HGF: variants seen among roughly 807,000 people sequenced by gnomAD.
HGF encodes the protein fibroblast-derived tumor cytotoxic factor.
In HGF, 39 loss-of-function variants were observed where a neutral mutation model predicts 111.6. The ratio of observed to expected loss-of-function variants is 0.35; its 90% CI spans 0.27 to 0.46. The LOEUF (loss-of-function observed/expected upper bound fraction) is 0.46, where lower values mean the gene tolerates loss of function less well. HGF is among the 20% of genes least tolerant of loss of function. The pLI is 1.00. For synonymous variants in HGF, 285 were observed against 294.8 expected (o/e 0.97, Z 0.34); for missense variants, 735 against 910.5 (o/e 0.81, Z 2.48).
At chr7:81,713,506 ACAGTGTGGGCAG>A (rs1789627069) in intron 11 of HGF, among the ~76,000 whole-genome samples, 1 of 150,920 alleles carries the variant, frequency 6.6e-6, no homozygotes, top group African/African-American at 2.4e-5. Flanking sequence ...AGCCTGGGCA[ACAGTGTGGGCAG>A]CAGTGTGATA....
At chr7:81,722,063 G>A (rs751820719) in intron 9 of HGF, among the ~76,000 whole-genome samples, 4 of 152,086 alleles carry the variant, frequency 2.6e-5, no homozygotes, top group Non-Finnish European at 5.9e-5. Context: ...AGAAGTGCTA[G>A]CACTAGCTGT....
Position 81,743,432 on chromosome 7 carries a change from A to G in HGF, c.786T>C (p.Asn262=), listed in dbSNP as rs1463738631. The G allele has an allele frequency of 6.2e-7, 1 of 1,613,710 alleles. No homozygotes were observed. The part of the protein sequence containing the change: ...DKGFDDNYCR[N]PDGQPRPWCY... ...ACCATGGCCTCGGCTGGCCATCGGG[A>G]TTGCGGCAATAATTATCATCAAAGC... Residue 262 remains asparagine, a synonymous_variant, in exon 7 of 18, where the codon AAT becomes AAC. Transcript: ENST00000222390.
chr7:81,713,356 A>T (rs745612414), intron 11 of HGF, among the ~76,000 whole-genome samples: 2 of 151,920 alleles, frequency 1.3e-5, no homozygotes, highest in Non-Finnish European at 2.9e-5. Context: ...GAAAACCTGG[A>T]TCTACTAAAA....
chr7:81,720,770 C>A lies in HGF; in HGVS notation c.1246G>T (p.Asp416Tyr). The A allele has an allele frequency of 6.2e-7, 1 of 1,611,466 alleles. No homozygotes were observed. The highest frequency in any genetic ancestry group is 8.5e-7 in the Non-Finnish European group (1 of 1,177,688). Residue 416 changes from aspartate (D) to tyrosine (Y), a missense_variant, in exon 10 of 18, where the codon GAC (aspartate) becomes TAC (tyrosine). Asp to Tyr is a radical substitution (Grantham distance 160). Coordinates refer to ENST00000222390, the MANE Select transcript of HGF (RefSeq NM_000601.6). ...TRSGLTCSMW[D>Y]KNMEDLHRHI... ...CGATGTAAGTCTTCCATGTTCTTGT[C>A]CCACATTGAACATGTTAGTCCAGAT...
Position 81,717,263 on chromosome 7 carries a change from G to A in HGF, c.1374C>T (p.Leu458=), listed in dbSNP as rs566128293. 4 of 1,613,660 alleles carry A rather than the reference G, an allele frequency of 2.5e-6. No individual in the cohort carries two copies. The African/African-American group carries it at 5.3e-5, about 22-fold the overall frequency. ...HGPWCYTGNP[L]IPWDYCPISR... ...AAATAGGGCAATAATCCCAAGGAAT[G>A]AGTGGATTTCCCGTGTAGCACCAGG... Residue 458 remains leucine (L), a synonymous_variant, in exon 11 of 18, where the codon CTC becomes CTT. Transcript: ENST00000222390.
rs1789299409 is a variant in HGF, at chr7:81,702,215, G to A, written c.*366C>T. On this transcript the variant is annotated 3_prime_UTR_variant, in exon 18 of 18. Coordinates refer to ENST00000222390, the MANE Select transcript of HGF (RefSeq NM_000601.6). ...GTGAGGTTAAAATAACATTTAATTT[G>A]TGGTTTACTCATTATTAAGAAACCA... is the stretch of plus-strand genomic sequence containing the variant. The A allele has an allele frequency of 4.0e-6, 1 of 249,116 alleles. No individual in the cohort carries two copies. Among genetic ancestry groups the A allele is most frequent in the African/African-American group, 2.2e-5 (1 of 45,310 alleles). The allele number at this position is 249,116 out of a possible 1,614,324, so 15.4% of individuals were successfully genotyped here.
chr7:81,705,589 A>T (rs1562870786), intron 16 of HGF, 54 bp from the exon 17 acceptor site: 1 of 1,602,174 alleles, frequency 6.2e-7, no homozygotes, highest in Non-Finnish European at 8.5e-7. Context: ...AAACAAAGAC[A>T]AATGTGTTCT....
intron 10 of HGF, among the ~76,000 whole-genome samples, chr7:81,719,107 A>G (rs1171561319): frequency 1.3e-5 from 2 of 152,124 alleles, no homozygotes. Context: ...TCTTACCAAA[A>G]TTATTTCCTA....
At chr7:81,726,104 G>A in intron 8 of HGF, 87 bp from the exon 9 acceptor site, 2 of 1,289,624 alleles carry the variant, frequency 1.6e-6, no homozygotes, top group Non-Finnish European at 2.3e-6. Flanking sequence ...ATTCTAGAAT[G>A]TATGCATGTT....
At chr7:81,757,364 A>G (rs1788830492) in intron 3 of HGF, 61 bp from the exon 4 acceptor site, 11 of 869,214 alleles carry the variant, frequency 1.3e-5, no homozygotes, top group Non-Finnish European at 2.0e-5. Context: ...TATTTAAGAA[A>G]AAAATTCCGT....
chr7:81,703,574 T>C (rs1789343648), intron 17 of HGF, among the ~76,000 whole-genome samples: 1 of 148,924 alleles, frequency 6.7e-6, no homozygotes, highest in Non-Finnish European at 1.5e-5. Context: ...AATATAATTA[T>C]ATAAAAATAT....
intron 2 of HGF, 123 bp downstream of exon 2, chr7:81,762,584 T>A (rs1156996662): frequency 1.2e-6 from 1 of 818,666 alleles, no homozygotes; most frequent in Non-Finnish European, 2.1e-6. Flanking sequence ...GTGAGTTAAA[T>A]CTAGAGTCAA....
intron 7 of HGF, among the ~76,000 whole-genome samples, chr7:81,733,409 A>G (rs1171539394): frequency 6.6e-6 from 1 of 152,000 alleles, no homozygotes; most frequent in Non-Finnish European, 1.5e-5. Context: ...TTAAAAATAA[A>G]TATCCATAAC....
intron 1 of HGF, among the ~76,000 whole-genome samples, chr7:81,764,486 ACATGTTATTTATTGAG>A (rs1789257829): frequency 6.6e-6 from 1 of 152,138 alleles, no homozygotes; most frequent in South Asian, 2.1e-4. Flanking sequence ...AAATCTGTCA[ACATGTTATTTATTGAG>A]CATGGACCAA....
chr7:81,746,628 T>G (rs6467870), intron 5 of HGF, among the ~76,000 whole-genome samples: 115,677 of 151,666 alleles, frequency 0.76, 44,294 homozygotes, highest in Middle Eastern at 0.88. Context: ...ATTTCTACTC[T>G]TGTATAGTAC....
chr7:81,733,894 T>C (rs1787744702), intron 7 of HGF, among the ~76,000 whole-genome samples: 1 of 152,150 alleles, frequency 6.6e-6, no homozygotes, highest in Admixed American at 6.6e-5. Flanking sequence ...AAACTCCTCC[T>C]GCAGCCCTGC....
At chr7:81,727,109 C>T (rs954030179) in intron 8 of HGF, among the ~76,000 whole-genome samples, 3 of 149,888 alleles carry the variant, frequency 2.0e-5, no homozygotes, top group South Asian at 2.1e-4. Context: ...GGCGTGATAT[C>T]GGCTCACTGC....
chr7:81,706,577 A>G (rs1789433939), intron 14 of HGF, 150 bp from the exon 15 acceptor site: 7 of 652,810 alleles, frequency 1.1e-5, no homozygotes, highest in Non-Finnish European at 1.6e-5. Context: ...CACATTTGTT[A>G]TGGCAGATTC....
chr7:81,736,894 G>GGGGTGTGTGTGTGTGT (rs1554369032), intron 7 of HGF, among the ~76,000 whole-genome samples: 20 of 142,054 alleles, frequency 1.4e-4, no homozygotes, highest in African/African-American at 4.2e-4. Flanking sequence ...TGTGTAGAGG[G>GGGGTGTGTGTGTGTGT]GTGTGTGTGT....
Sources: allele counts gnomAD v4.1 joint callset (sites outside exome capture counted in the v4.1 genomes callset), GRCh38; gene constraint gnomAD v4.1.1; transcripts MANE v1.5; gene names NCBI Gene and HGNC (gene_info 2026-07-23, HGNC 2026-07-21).